The following NDUFAF2 variants were observed in gnomAD, a reference collection of about 807,000 sequenced individuals.
NDUFAF2 encodes NADH dehydrogenase [ubiquinone] 1 alpha subcomplex assembly factor 2.
In NDUFAF2, 13 loss-of-function variants were observed where a neutral mutation model predicts 22.8. The ratio of observed to expected loss-of-function variants is 0.57; its 90% CI spans 0.37 to 0.91. NDUFAF2 has a LOEUF of 0.91. Among genes scored for constraint, NDUFAF2 ranks in the 40% least tolerant of loss-of-function variants. The pLI is 0.01. For synonymous variants in NDUFAF2, 53 were observed against 64.2 expected (o/e 0.83, Z 0.84); for missense variants, 162 against 195.2 (o/e 0.83, Z 1.01).
chr5:61,002,095 ACAG>A (rs1751304312), intron 1 of NDUFAF2, among the ~76,000 whole-genome samples: 1 of 152,086 alleles, frequency 6.6e-6, no homozygotes, highest in Non-Finnish European at 1.5e-5. Context: ...ACCAACCAGG[ACAG>A]CATTGTCAGA....
chr5:61,043,703 A>G (rs74328266), intron 1 of NDUFAF2, among the ~76,000 whole-genome samples: 23,526 of 131,500 alleles, frequency 0.18, 2,184 homozygotes, highest in South Asian at 0.3. Context: ...GTGTGTGTGT[A>G]TGTGTGTGTG....
At chr5:61,018,443 A>G (rs1751539254) in intron 1 of NDUFAF2, among the ~76,000 whole-genome samples, 1 of 152,178 alleles carries the variant, frequency 6.6e-6, no homozygotes, top group Admixed American at 6.5e-5. Context: ...CCAATATTCA[A>G]ATAAGTTTAA....
chr5:61,114,340 C>G (rs1218519785), intron 3 of NDUFAF2: 1 of 152,116 alleles, frequency 6.6e-6, no homozygotes, highest in Non-Finnish European at 1.5e-5. Context: ...TTCAGTATGT[C>G]AATTGCATTT....
intron 2 of NDUFAF2, among the ~76,000 whole-genome samples, chr5:61,078,736 G>A (rs1010525260): frequency 4.6e-5 from 7 of 151,318 alleles, no homozygotes; most frequent in East Asian, 3.9e-4. Context: ...GTGAGACCCC[G>A]TCTCACAAGA....
intron 1 of NDUFAF2, among the ~76,000 whole-genome samples, chr5:60,961,856 G>A (rs1277690213): frequency 6.6e-6 from 1 of 151,358 alleles, no homozygotes; most frequent in African/African-American, 2.4e-5. Flanking sequence ...TCCTACTTAG[G>A]AAGCTTTGGT....
chr5:61,098,913 CA>C (rs1752674403), intron 2 of NDUFAF2, 78 bp from the exon 3 acceptor site: 15 of 1,136,188 alleles, frequency 1.3e-5, no homozygotes, highest in East Asian at 2.4e-5. Context: ...AGTAGGTACT[CA>C]AAAAAATTTG....
At chr5:61,035,424 GTTTTTTTTTTTTTT>G (rs768889484) in intron 1 of NDUFAF2, among the ~76,000 whole-genome samples, 7 of 40,522 alleles carry the variant, frequency 1.7e-4, no homozygotes, top group Non-Finnish European at 2.3e-4. Flanking sequence ...CTCTTGCTCT[GTTTTTTTTTTTTTT>G]TTTTTTTTTT....
rs193021417 is a variant in NDUFAF2, at chr5:60,952,137, A to G, written c.127+6755A>G. ...ATCTGATGAGTGGTTTGTTAATTTT[A>G]TTGATCATTTTAGAGAATTAGCTTT... On this transcript the variant is annotated intron_variant, in intron 1 of 3. Transcript: ENST00000296597. Among the ~76,000 whole-genome samples the G allele has an allele frequency of 2.3e-3, 348 of 151,696 alleles. 1 individual carries two copies. Among genetic ancestry groups the G allele is most frequent in the Non-Finnish European group, 3.7e-3 (251 of 67,846 alleles).
At chr5:60,989,466 C>G (rs1391972885) in intron 1 of NDUFAF2, among the ~76,000 whole-genome samples, 1 of 152,166 alleles carries the variant, frequency 6.6e-6, no homozygotes, top group African/African-American at 2.4e-5. Context: ...ATGTTCATTG[C>G]AGCACTATTC....
chr5:61,108,921 A>G (rs929953835), intron 3 of NDUFAF2, among the ~76,000 whole-genome samples: 3 of 152,164 alleles, frequency 2.0e-5, no homozygotes, highest in Non-Finnish European at 4.4e-5. Flanking sequence ...CTTTGTGCTC[A>G]GGATAGCTTT....
At chr5:61,037,128 A>G (rs942322159) in intron 1 of NDUFAF2, among the ~76,000 whole-genome samples, 2 of 152,178 alleles carry the variant, frequency 1.3e-5, no homozygotes, top group Admixed American at 6.5e-5. Context: ...GACCACCACC[A>G]AAAACAAAAT....
chr5:60,953,800 G>T (rs1750579379), intron 1 of NDUFAF2, among the ~76,000 whole-genome samples: 1 of 152,210 alleles, frequency 6.6e-6, no homozygotes, highest in Non-Finnish European at 1.5e-5. Flanking sequence ...ATGGTTTACT[G>T]TATTTATGAA....
chr5:61,073,791 G>A (rs952960746), intron 2 of NDUFAF2, among the ~76,000 whole-genome samples: 2 of 152,174 alleles, frequency 1.3e-5, no homozygotes, highest in Non-Finnish European at 2.9e-5. Flanking sequence ...TGGTCTCTCA[G>A]TGTGGCTCTA....
intron 3 of NDUFAF2, among the ~76,000 whole-genome samples, chr5:61,118,333 A>C (rs1444692056): frequency 6.6e-6 from 1 of 152,196 alleles, no homozygotes; most frequent in Non-Finnish European, 1.5e-5. Context: ...ACATTATTTC[A>C]TGCAGGCAAC....
At chr5:61,076,287 G>C (rs1359804081) in intron 2 of NDUFAF2, among the ~76,000 whole-genome samples, 1 of 152,136 alleles carries the variant, frequency 6.6e-6, no homozygotes, top group Non-Finnish European at 1.5e-5. Context: ...TGTTAGCTAG[G>C]ATGGTCGCCA....
chr5:61,098,433 A>T (rs1561564369), intron 2 of NDUFAF2, among the ~76,000 whole-genome samples: 1 of 152,194 alleles, frequency 6.6e-6, no homozygotes, highest in Non-Finnish European at 1.5e-5. Flanking sequence ...CCCAGGCCCC[A>T]GCAGCCACTT....
At chr5:61,050,030 A>G (rs573450006) in intron 1 of NDUFAF2, among the ~76,000 whole-genome samples, 5 of 152,048 alleles carry the variant, frequency 3.3e-5, no homozygotes, top group African/African-American at 1.2e-4. Flanking sequence ...TGCAATGCAC[A>G]TGGACATACA....
At chr5:60,966,025 A>T (rs1208250512) in intron 1 of NDUFAF2, among the ~76,000 whole-genome samples, 1 of 152,002 alleles carries the variant, frequency 6.6e-6, no homozygotes, top group Admixed American at 6.6e-5. Flanking sequence ...ATTGTCGACA[A>T]CACTTGTTAC....
chr5:60,977,162 T>C (rs1383707608), intron 1 of NDUFAF2, among the ~76,000 whole-genome samples: 2 of 152,110 alleles, frequency 1.3e-5, no homozygotes, highest in African/African-American at 4.8e-5. Context: ...GTGTGGTGGC[T>C]CACAGCTATA....
Sources: gnomAD v4.1 joint callset for allele counts (sites outside exome capture counted in the v4.1 genomes callset) on GRCh38, gnomAD v4.1.1 for gene constraint, MANE v1.5 for transcripts, NCBI Gene and HGNC (gene_info 2026-07-23, HGNC 2026-07-21) for gene names.